ZNF680: variants seen among roughly 807,000 people sequenced by gnomAD.
The protein encoded by ZNF680 is hypothetical protein FLJ90430.
ZNF680 carries 6 observed loss-of-function variants against 12.1 expected under a neutral mutation model. The observed-to-expected ratio is 0.49, with a 90% CI of 0.27 to 0.98. The LOEUF (loss-of-function observed/expected upper bound fraction) is 0.98, where lower values mean the gene tolerates loss of function less well. Ranked by LOEUF, ZNF680 falls within the 50% of genes least tolerant of loss-of-function variation. ZNF680 has a pLI of 0.12. For synonymous variants in ZNF680, 170 were observed against 199.3 expected, an observed-to-expected ratio of 0.85 and a Z score of 1.24; for missense variants, 561 against 616.3, an observed-to-expected ratio of 0.91 and a Z score of 0.95.
chr7:64,501,792 C>A, the ZNF680 span: 1 of 697,490 alleles, frequency 1.4e-6, no homozygotes, highest in Admixed American at 1.9e-5. Flanking sequence ...TCTCTAAGAT[C>A]AAATTTTTTA....
chr7:64,532,575 A>G (rs1280729623), intron 3 of ZNF680, among the ~76,000 whole-genome samples: 3 of 152,164 alleles, frequency 2.0e-5, no homozygotes, highest in Non-Finnish European at 4.4e-5. Context: ...ACAGATTCAC[A>G]GCAGAATTCT....
In ZNF680 at chr7:64,544,443, C is replaced by G. The variant is rs1562763761; in HGVS notation, c.31-11G>C. On this transcript the variant is annotated splice_polypyrimidine_tract_variant and intron_variant, in intron 1 of 3. Coordinates refer to ENST00000309683, the MANE Select transcript of ZNF680 (RefSeq NM_178558.5). ...AAATGTCAGTGGTCCCTGAAAAACA[C>G]ACACACACACACACACACACACACA... is the stretch of plus-strand genomic sequence containing the variant. 2.7e-6 allele frequency: 1 copy of G among 374,496 alleles called. No individual in the cohort carries two copies. 23.2% of individuals were successfully genotyped at this position (374,496 alleles called of 1,614,324 possible).
intron 3 of ZNF680, among the ~76,000 whole-genome samples, chr7:64,534,899 C>T (rs1025251571): frequency 6.6e-6 from 1 of 151,336 alleles, no homozygotes; most frequent in Non-Finnish European, 1.5e-5. Flanking sequence ...AGTGAAGTAA[C>T]TCAGGAATGG....
Position 64,520,923 on chromosome 7 carries a change from C to G in ZNF680, c.*238G>C, listed in dbSNP as rs2116352250. 2.4e-6 allele frequency: 1 copy of G among 411,648 alleles called. No individual in the cohort carries two copies. Among genetic ancestry groups the G allele is most frequent in the South Asian group, 4.0e-5 (1 of 24,998 alleles). The allele number at this position is 411,648 out of a possible 1,614,324, so 25.5% of individuals were successfully genotyped here. A position where few individuals can be genotyped will look rare whatever the true frequency, so the allele number is the denominator to read the frequency against. ...TGTTGAGTAAGATGTGAAAAGATAT[C>G]AATGACTTTTTCACATTCTTTATAC... On this transcript the variant is annotated 3_prime_UTR_variant, in exon 4 of 4. Coordinates refer to ENST00000309683, the MANE Select transcript of ZNF680 (RefSeq NM_178558.5).
rs369422430 is a variant in ZNF680 at position 64,535,607 on chromosome 7, T to C, written c.253+8100A>G. Among the ~76,000 whole-genome samples the C allele has an allele frequency of 5.3e-5, 8 of 152,204 alleles. No individual in the cohort carries two copies. In the South Asian group the frequency reaches 1.7e-3, roughly 32 times the overall value. ...TATTTCATGCCAATAGTAACCACGA[T>C]TGGGTGAGATGGTCATCATTATATT... On this transcript the variant is annotated intron_variant, in intron 3 of 3. Coordinates refer to ENST00000309683, the MANE Select transcript of ZNF680 (RefSeq NM_178558.5).
At chr7:64,509,803 C>T in the ZNF680 span, among the ~76,000 whole-genome samples, 2 of 151,988 alleles carry the variant, frequency 1.3e-5, no homozygotes, top group East Asian at 1.9e-4. Flanking sequence ...CATGTTGCAG[C>T]ACCTATCATG....
intron 1 of ZNF680, among the ~76,000 whole-genome samples, chr7:64,545,733 AT>A (rs1214093964): frequency 6.6e-6 from 1 of 152,120 alleles, no homozygotes; most frequent in African/African-American, 2.4e-5. Flanking sequence ...ATCTCCTAAA[AT>A]TTTTTTCAGA....
At chr7:64,510,414 A>T in the ZNF680 span, among the ~76,000 whole-genome samples, 1 of 151,546 alleles carries the variant, frequency 6.6e-6, no homozygotes, top group African/African-American at 2.4e-5. Context: ...CCAACTCAAT[A>T]AAAAAAACAG....
intron 1 of ZNF680, among the ~76,000 whole-genome samples, chr7:64,548,949 C>T (rs1201610534): frequency 6.6e-6 from 1 of 151,860 alleles, no homozygotes; most frequent in African/African-American, 2.4e-5. Flanking sequence ...GGTGAAACCC[C>T]GTCTCTACTA....
chr7:64,545,878 C>G (rs1786761284), intron 1 of ZNF680, among the ~76,000 whole-genome samples: 2 of 152,094 alleles, frequency 1.3e-5, no homozygotes, highest in Admixed American at 1.3e-4. Context: ...CCCAGCTTTT[C>G]CCCAGTAGAA....
chr7:64,507,534 C>T, the ZNF680 span, among the ~76,000 whole-genome samples: 4 of 146,920 alleles, frequency 2.7e-5, no homozygotes, highest in Non-Finnish European at 6.0e-5. Context: ...TTTTTTGAGA[C>T]GGAGTTTCGC....
At chr7:64,548,778 T>G (rs1039785649) in intron 1 of ZNF680, among the ~76,000 whole-genome samples, 4 of 152,050 alleles carry the variant, frequency 2.6e-5, no homozygotes, top group Admixed American at 6.6e-5. Flanking sequence ...GACCCTGGGC[T>G]GATGACCCGA....
intron 2 of ZNF680, chr7:64,544,021 A>G (rs1304251203): frequency 1.7e-6 from 1 of 600,916 alleles, no homozygotes; most frequent in African/African-American, 1.9e-5. Flanking sequence ...GGTGGGGGCA[A>G]TTAAATTTTA....
chr7:64,512,565 TG>T, the ZNF680 span, among the ~76,000 whole-genome samples: 1 of 152,176 alleles, frequency 6.6e-6, no homozygotes, highest in Admixed American at 6.5e-5. Context: ...AAATAATTTC[TG>T]GTGGCCCAAA....
rs971317901 is a variant in ZNF680, at chr7:64,536,241, T to C, written c.253+7466A>G. Among the ~76,000 whole-genome samples, 5 of 152,160 alleles carry C rather than the reference T, an allele frequency of 3.3e-5. No individual in the cohort carries two copies. The East Asian group carries it at 7.7e-4, about 23-fold the overall frequency. ...AAGAAAACAGAAAACTTAGACATTA[T>C]AGACTGTATTGATTATTTTGCATAT... is the stretch of plus-strand genomic sequence containing the variant. On this transcript the variant is annotated intron_variant, in intron 3 of 3. Coordinates refer to ENST00000309683, the MANE Select transcript of ZNF680 (RefSeq NM_178558.5).
At chr7:64,543,088 T>C (rs1351095022) in intron 3 of ZNF680, among the ~76,000 whole-genome samples, 1 of 151,528 alleles carries the variant, frequency 6.6e-6, no homozygotes, top group Non-Finnish European at 1.5e-5. Context: ...AATCTATGGA[T>C]TCAATGAACT....
At chr7:64,559,860 G>T (rs1255166780) in intron 1 of ZNF680, among the ~76,000 whole-genome samples, 1 of 152,000 alleles carries the variant, frequency 6.6e-6, no homozygotes, top group Non-Finnish European at 1.5e-5. Flanking sequence ...GATAATAAAT[G>T]TATTATTTTA....
chr7:64,537,108 T>C (rs1786207890), intron 3 of ZNF680, among the ~76,000 whole-genome samples: 1 of 152,132 alleles, frequency 6.6e-6, no homozygotes, highest in Non-Finnish European at 1.5e-5. Flanking sequence ...ACCAAAATCA[T>C]ACACTGTGTG....
chr7:64,534,712 G>T (rs889666450), intron 3 of ZNF680, among the ~76,000 whole-genome samples: 1 of 152,094 alleles, frequency 6.6e-6, no homozygotes, highest in African/African-American at 2.4e-5. Flanking sequence ...ACTTGCACAC[G>T]CATGTTTATA....
Sources: gnomAD v4.1 joint callset for allele counts (sites outside exome capture counted in the v4.1 genomes callset) on GRCh38, gnomAD v4.1.1 for gene constraint, MANE v1.5 for transcripts, NCBI Gene and HGNC (gene_info 2026-07-23, HGNC 2026-07-21) for gene names.